WDFY4: variants seen among roughly 807,000 people sequenced by gnomAD.
WDFY4 encodes WDFY family member 4, also known as WD repeat- and FYVE domain-containing protein 4.
In WDFY4, 169 loss-of-function variants were observed where a neutral mutation model predicts 351.9. The observed-to-expected ratio is 0.48, with a 90% CI of 0.42 to 0.55. The LOEUF (loss-of-function observed/expected upper bound fraction) is 0.55, where lower values mean the gene tolerates loss of function less well. Ranked by LOEUF, WDFY4 falls within the 20% of genes least tolerant of loss-of-function variation. WDFY4 has a pLI of 0.00. For missense variants in WDFY4, 3,803 were observed against 3,935.6 expected (o/e 0.97, Z 0.90); for synonymous variants, 1,622 against 1,574.6 (o/e 1.03, Z -0.71).
In WDFY4 at chr10:48,743,278, T is replaced by G. The variant is rs964028784; in HGVS notation, c.2189T>G (p.Leu730Arg). The G allele has an allele frequency of 5.8e-6, 9 of 1,551,624 alleles. No individual in the cohort carries two copies. The African/African-American group carries it at 1.2e-4, about 21-fold the overall frequency. ...CFGALEEEGN[L>R]LRSWVDTKAR... ...GGAGCCCTGGAGGAAGAGGGCAACC[T>G]GCTGCGCTCTTGGGTGGACACAAAG... Residue 730 changes from leucine to arginine, a missense_variant, in exon 12 of 62, where the codon CTG becomes CGG. Physicochemically the swap from Leu to Arg is moderately radical, Grantham distance 102. Around this residue, in one of 3 missense-constraint regions of WDFY4, gnomAD observed 3,054 missense variants for 3,148.6 expected, o/e 0.97. Transcript: ENST00000325239.
chr10:48,743,453 G>A lies in WDFY4; in HGVS notation c.2364G>A (p.Leu788=). 6.5e-7 allele frequency: 1 copy of A among 1,550,240 alleles called. No individual in the cohort carries two copies. Among genetic ancestry groups the A allele is most frequent in the Non-Finnish European group, 8.7e-7 (1 of 1,146,992 alleles). ...TGCGTGGGGACCTGAAGGAGTCCCT[G>A]AGGACCAAGCAGGGGCCGGTTGTGG... The part of the protein sequence containing the change: ...LHLRGDLKES[L]RTKQGPVVDV... The change falls in exon 12 of 62, where the codon CTG becomes CTA. Residue 788 remains leucine (L), a synonymous_variant. Transcript: ENST00000325239.
intron 1 of WDFY4, among the ~76,000 whole-genome samples, chr10:48,708,405 T>C (rs2063687351): frequency 6.6e-6 from 1 of 152,172 alleles, no homozygotes; most frequent in Non-Finnish European, 1.5e-5. Context: ...AGGAAAACAC[T>C]GGGAGCCCAC....
At position 48,902,696 on chromosome 10, in the gene WDFY4, T is replaced by C. The variant is rs756855974; in HGVS notation, c.7586+833T>C. Among the ~76,000 whole-genome samples the C allele has an allele frequency of 2.0e-5, 3 of 151,486 alleles. No homozygotes were observed. In the East Asian group the frequency reaches 5.8e-4, roughly 30 times the overall value. ...ACAGACATAAACCAATATAAATGAG[T>C]GAACTATAAAGCATATTAGATAATT... On this transcript the variant is annotated intron_variant, in intron 47 of 61. Transcript: ENST00000325239.
chr10:48,980,812 T>C (rs981120245), intron 60 of WDFY4, among the ~76,000 whole-genome samples: 10 of 152,194 alleles, frequency 6.6e-5, no homozygotes, highest in Admixed American at 3.3e-4. Context: ...CATCTCACCC[T>C]TCACATTGAA....
chr10:48,788,856 C>T (rs2066584153), intron 21 of WDFY4, among the ~76,000 whole-genome samples, 181 bp downstream of exon 21: 2 of 152,202 alleles, frequency 1.3e-5, no homozygotes, highest in African/African-American at 4.8e-5. Flanking sequence ...GGTGTCCTCC[C>T]AGACTAAGCC....
At chr10:48,766,015 G>A (rs746477183) in intron 13 of WDFY4, among the ~76,000 whole-genome samples, 2 of 152,204 alleles carry the variant, frequency 1.3e-5, no homozygotes, top group Non-Finnish European at 2.9e-5. Context: ...CTAATTGTAT[G>A]AGTTTCAAGT....
At chr10:48,836,423 C>G (rs544020373) in intron 39 of WDFY4, among the ~76,000 whole-genome samples, 1 of 152,206 alleles carries the variant, frequency 6.6e-6, no homozygotes, top group African/African-American at 2.4e-5. Flanking sequence ...TCTGCATCTT[C>G]TGTCTCTCTT....
chr10:48,842,260 T>A (rs569783803), intron 39 of WDFY4, among the ~76,000 whole-genome samples: 4 of 151,776 alleles, frequency 2.6e-5, no homozygotes, highest in Non-Finnish European at 2.9e-5. Flanking sequence ...TAACAGCCCA[T>A]CAATGTGGGT....
intron 7 of WDFY4, among the ~76,000 whole-genome samples, chr10:48,728,502 T>A (rs964299144): frequency 8.5e-5 from 13 of 152,168 alleles, no homozygotes; most frequent in African/African-American, 3.1e-4. Context: ...GACACCCTCC[T>A]CCTCTGAGGG....
At chr10:48,897,267 C>T (rs1837128043) in intron 44 of WDFY4, among the ~76,000 whole-genome samples, 187 bp from the exon 45 acceptor site, 1 of 152,212 alleles carries the variant, frequency 6.6e-6, no homozygotes, top group Admixed American at 6.5e-5. Context: ...CTGACATGGG[C>T]AAGCACTCAG....
intron 58 of WDFY4, among the ~76,000 whole-genome samples, chr10:48,976,173 C>T (rs938719493): frequency 7.2e-5 from 11 of 152,178 alleles, no homozygotes; most frequent in African/African-American, 2.4e-4. Context: ...CACTGAGCAC[C>T]CTACATCCCT....
chr10:48,812,620 G>C (rs1483268542), intron 30 of WDFY4, among the ~76,000 whole-genome samples: 1 of 152,114 alleles, frequency 6.6e-6, no homozygotes, highest in Non-Finnish European at 1.5e-5. Flanking sequence ...ACCAAATGCT[G>C]CCTATTGATC....
In WDFY4 at chr10:48,814,054, T is replaced by C. The variant is rs1257127151; in HGVS notation, c.5312T>C (p.Leu1771Pro). 6.5e-7 allele frequency: 1 copy of C among 1,549,838 alleles called. No homozygotes were observed. The highest frequency in any genetic ancestry group is 8.7e-7 in the Non-Finnish European group (1 of 1,145,772). ...GLCTEGALLL[L>P]EMLKATMSQP... is the part of the protein sequence containing the mutation. ...TGCACAGAAGGTGCCTTGCTCCTCC[T>C]GGAAATGCTGAAGGCCACCATGAGC... Residue 1771 changes from leucine to proline, a missense_variant, in exon 31 of 62, where the codon CTG becomes CCG. Around this residue, in one of 3 missense-constraint regions of WDFY4, gnomAD observed 3,054 missense variants for 3,148.6 expected, o/e 0.97. Transcript: ENST00000325239.
chr10:48,891,117 A>G (rs914825063), intron 44 of WDFY4, among the ~76,000 whole-genome samples: 1 of 152,256 alleles, frequency 6.6e-6, no homozygotes, highest in African/African-American at 2.4e-5. Flanking sequence ...TGCAATCGGC[A>G]GCATGCACAG....
Position 48,941,838 on chromosome 10 carries a change from A to T in WDFY4, c.7619A>T (p.Gln2540Leu), listed in dbSNP as rs1416139925. 2 of 1,552,226 alleles carry T rather than the reference A, an allele frequency of 1.3e-6. No homozygotes were observed. Among genetic ancestry groups the T allele is most frequent in the East Asian group, 4.9e-5 (2 of 40,920 alleles). ...RYPGSDRIML[Q>L]KWQKRDISNF... Reference sequence around the variant, plus strand: ...CCCGGCTCTGACAGGATCATGCTGCAGAAGTGGCAGGTACAGTAGCTCCTC... The same window carrying T: ...CCCGGCTCTGACAGGATCATGCTGCTGAAGTGGCAGGTACAGTAGCTCCTC... Residue 2540 changes from glutamine (Q) to leucine (L), a missense_variant, in exon 48 of 62, where the codon CAG (glutamine) becomes CTG (leucine). Around this residue, in one of 3 missense-constraint regions of WDFY4, gnomAD observed 3,054 missense variants for 3,148.6 expected, o/e 0.97. Transcript: ENST00000325239.
At chr10:48,764,503 A>G (rs1033332856) in intron 13 of WDFY4, among the ~76,000 whole-genome samples, 3 of 152,254 alleles carry the variant, frequency 2.0e-5, no homozygotes, top group Non-Finnish European at 2.9e-5. Flanking sequence ...CTTAGCAGCC[A>G]TGAGTGTCTG....
intron 40 of WDFY4, among the ~76,000 whole-genome samples, chr10:48,870,369 C>CA (rs920425003): frequency 5.3e-5 from 8 of 150,854 alleles, no homozygotes; most frequent in Non-Finnish European, 8.9e-5. Flanking sequence ...GACCCCAACT[C>CA]AAAAAAAAGT....
At chr10:48,725,272 A>G (rs1452853600) in intron 5 of WDFY4, among the ~76,000 whole-genome samples, 1 of 152,206 alleles carries the variant, frequency 6.6e-6, no homozygotes, top group Admixed American at 6.5e-5. Context: ...TTGGACCCCC[A>G]AGAGCCCAGG....
At chr10:48,747,054 G>C (rs1295106255) in intron 12 of WDFY4, among the ~76,000 whole-genome samples, 2 of 151,958 alleles carry the variant, frequency 1.3e-5, no homozygotes, top group Admixed American at 6.5e-5. Context: ...CTGTAGTGTG[G>C]GTCTATTTGT....
Sources: allele counts gnomAD v4.1 joint callset (sites outside exome capture counted in the v4.1 genomes callset), GRCh38; gene constraint gnomAD v4.1.1; regional missense constraint gnomAD v4.1.1; transcripts MANE v1.5; gene names NCBI Gene and HGNC (gene_info 2026-07-23, HGNC 2026-07-21).